Variants in ERBB4 observed in about 807,000 individuals in gnomAD.
ERBB4 encodes the protein erb-b2 receptor tyrosine kinase 4, also known as receptor tyrosine-protein kinase erbB-4.
Under a neutral mutation model 158.0 loss-of-function variants are expected in ERBB4, and 42 were observed. The ratio of observed to expected loss-of-function variants is 0.27; its 90% CI spans 0.21 to 0.34. The LOEUF (loss-of-function observed/expected upper bound fraction) is 0.34, where lower values mean the gene tolerates loss of function less well. Ranked by LOEUF, ERBB4 falls within the 10% of genes least tolerant of loss-of-function variation. The pLI is 1.00. For missense variants in ERBB4, 1,333 were observed against 1,624.1 expected (o/e 0.82, Z 3.08); for synonymous variants, 583 against 558.7 (o/e 1.04, Z -0.61).
chr2:211,644,326 C>T (rs923000979), intron 16 of ERBB4, among the ~76,000 whole-genome samples: 1 of 151,722 alleles, frequency 6.6e-6, no homozygotes, highest in East Asian at 1.9e-4. Context: ...ATATAAACAC[C>T]CAACCCCTAA....
At chr2:212,262,197 C>T (rs2084970388) in intron 1 of ERBB4, among the ~76,000 whole-genome samples, 1 of 152,058 alleles carries the variant, frequency 6.6e-6, no homozygotes, top group African/African-American at 2.4e-5. Context: ...AAGTAGATGG[C>T]TTTTATGTTT....
chr2:212,131,500 G>A lies in ERBB4; in HGVS notation c.83-6597C>T, dbSNP rs528760985. ...GGTTTCCAAACATTGTGCTCTACCA[G>A]GAGACACAACAGTTATTCCATTGAA... On this transcript the variant is annotated intron_variant, in intron 1 of 27. Transcript: ENST00000342788. 5.9e-5 allele frequency among the ~76,000 whole-genome samples: 9 copies of A among 152,214 alleles called. No homozygotes were observed. The East Asian group carries it at 1.7e-3, about 29-fold the overall frequency.
At chr2:212,392,452 T>C (rs1486289371) in intron 1 of ERBB4, among the ~76,000 whole-genome samples, 11 of 152,072 alleles carry the variant, frequency 7.2e-5, no homozygotes, top group Non-Finnish European at 1.6e-4. Context: ...TACTTAGGAA[T>C]TGTATGTCTT....
chr2:211,937,953 C>G (rs150466691), intron 3 of ERBB4, among the ~76,000 whole-genome samples: 5 of 152,090 alleles, frequency 3.3e-5, no homozygotes, highest in Non-Finnish European at 5.9e-5. Context: ...TTTATCTGAC[C>G]AACAGAAAAC....
At chr2:211,592,089 C>T (rs1000221172) in intron 19 of ERBB4, among the ~76,000 whole-genome samples, 5 of 152,144 alleles carry the variant, frequency 3.3e-5, no homozygotes, top group Non-Finnish European at 5.9e-5. Flanking sequence ...TTACAGAAGT[C>T]GGCAAAAAAG....
Position 211,381,531 on chromosome 2 carries a change from A to G in ERBB4, c.*2084T>C. Reference sequence around the variant, plus strand: ...CTATGCAATCTGATTGTTGGAACGCATAGAAAAATTAAAATGTCATTTTAA... The same window carrying G: ...CTATGCAATCTGATTGTTGGAACGCGTAGAAAAATTAAAATGTCATTTTAA... On this transcript the variant is annotated 3_prime_UTR_variant, in exon 28 of 28. Transcript: ENST00000342788. The G allele has an allele frequency of 4.3e-6, 1 of 231,504 alleles. No individual in the cohort carries two copies. Among genetic ancestry groups the G allele is most frequent in the Non-Finnish European group, 8.5e-6 (1 of 116,964 alleles). 14.3% of individuals were successfully genotyped at this position (231,504 alleles called of 1,614,324 possible).
At chr2:212,460,259 TGAATACAGCAAATTGGTACCAGTA>T (rs1378677136) in intron 1 of ERBB4, among the ~76,000 whole-genome samples, 8 of 152,124 alleles carry the variant, frequency 5.3e-5, no homozygotes, top group Admixed American at 4.6e-4. Flanking sequence ...TGAAAATGGA[TGAATACAGCAAATTGGTACCAGTA>T]GAGTGAGGCA....
At chr2:212,246,639 A>C (rs1291089221) in intron 1 of ERBB4, among the ~76,000 whole-genome samples, 7 of 152,210 alleles carry the variant, frequency 4.6e-5, no homozygotes, top group Admixed American at 4.6e-4. Context: ...GATGAGAAAT[A>C]ATTGACAGCT....
intron 1 of ERBB4, among the ~76,000 whole-genome samples, chr2:212,343,957 T>G (rs948344733): frequency 6.6e-6 from 1 of 152,178 alleles, no homozygotes; most frequent in African/African-American, 2.4e-5. Context: ...CAATTTTTTT[T>G]CCATTTGTAT....
chr2:211,994,402 G>A (rs756968301), intron 2 of ERBB4, among the ~76,000 whole-genome samples: 2 of 152,068 alleles, frequency 1.3e-5, no homozygotes, highest in Non-Finnish European at 2.9e-5. Context: ...CAAAGCATTA[G>A]GATCACAGGC....
rs189601511 is a variant in ERBB4, at chr2:211,851,131, T to C, written c.422-62972A>G. Among the ~76,000 whole-genome samples, 3 of 152,090 alleles carry C rather than the reference T, an allele frequency of 2.0e-5. No homozygotes were observed. In the East Asian group the frequency reaches 5.8e-4, roughly 29 times the overall value. ...CAGATAAAGTAGTATACAACACTTT[T>C]TGTTTTGAATAAAAATTGAAAATGA... On this transcript the variant is annotated intron_variant, in intron 3 of 27. Coordinates refer to ENST00000342788, the MANE Select transcript of ERBB4 (RefSeq NM_005235.3).
chr2:211,906,213 G>T (rs1178125835), intron 3 of ERBB4, among the ~76,000 whole-genome samples: 1 of 152,132 alleles, frequency 6.6e-6, no homozygotes, highest in Non-Finnish European at 1.5e-5. Flanking sequence ...TTGTACCATA[G>T]TGGAAGCATT....
chr2:211,458,274 T>A (rs1372135527), intron 20 of ERBB4, among the ~76,000 whole-genome samples: 19 of 151,916 alleles, frequency 1.3e-4, no homozygotes, highest in East Asian at 1.9e-4. Context: ...TGAATAATTT[T>A]TTTTTTTTTT....
chr2:211,641,233 G>A (rs1461635648), intron 16 of ERBB4, among the ~76,000 whole-genome samples: 2 of 152,008 alleles, frequency 1.3e-5, no homozygotes, highest in African/African-American at 4.8e-5. Context: ...GAAGAAAAAT[G>A]TGGCTAAAGG....
In ERBB4 at chr2:211,465,562, AC is replaced by A. The variant is rs66888812; in HGVS notation, c.2488-34463del. ...AATCAGATGTTCACCTACTTCACTT[AC>A]TTTTGAAGCCTAAATGACAGTTAGT... On this transcript the variant is annotated intron_variant, in intron 20 of 27. Transcript: ENST00000342788. Among the ~76,000 whole-genome samples, 776 of 152,256 alleles carry A rather than the reference AC, an allele frequency of 5.1e-3. 4 individuals carry two copies. The highest frequency in any genetic ancestry group is 8.5e-3 in the Non-Finnish European group (575 of 68,010).
intron 1 of ERBB4, among the ~76,000 whole-genome samples, chr2:212,337,813 T>G (rs2088516549): frequency 6.6e-6 from 1 of 152,124 alleles, no homozygotes; most frequent in South Asian, 2.1e-4. Flanking sequence ...TCAAAGGTTT[T>G]GTTTTCAAAT....
chr2:212,111,689 GC>G (rs1292309712), intron 2 of ERBB4, among the ~76,000 whole-genome samples: 2 of 149,254 alleles, frequency 1.3e-5, no homozygotes, highest in Non-Finnish European at 3.0e-5. Context: ...TCTTATAACT[GC>G]CCCCCTGCCA....
At chr2:212,148,125 C>T (rs1420844370) in intron 1 of ERBB4, among the ~76,000 whole-genome samples, 2 of 151,160 alleles carry the variant, frequency 1.3e-5, no homozygotes, top group Non-Finnish European at 1.5e-5. Context: ...GGGGGCAGCA[C>T]AATTCCCAAA....
At chr2:211,517,060 C>A (rs981459945) in intron 20 of ERBB4, among the ~76,000 whole-genome samples, 5 of 152,094 alleles carry the variant, frequency 3.3e-5, no homozygotes, top group African/African-American at 9.7e-5. Flanking sequence ...AGGTAAACAG[C>A]AAATTACAAT....
Sources: gnomAD v4.1 joint callset for allele counts (sites outside exome capture counted in the v4.1 genomes callset) on GRCh38, gnomAD v4.1.1 for gene constraint, MANE v1.5 for transcripts, NCBI Gene and HGNC (gene_info 2026-07-23, HGNC 2026-07-21) for gene names.